The following MNAT1 variants were observed in gnomAD, a reference collection of about 807,000 sequenced individuals.
MNAT1 encodes the protein CDK-activating kinase assembly factor MAT1.
MNAT1 carries 43 observed loss-of-function variants against 42.0 expected under a neutral mutation model. The observed-to-expected ratio is 1.02, with a 90% CI of 0.80 to 1.32. The LOEUF is 1.32. MNAT1 is among the 40% of genes most tolerant of loss of function. The pLI, the probability that MNAT1 is intolerant of heterozygous loss-of-function variation, is 0.00. For synonymous variants in MNAT1, 118 were observed against 120.0 expected (o/e 0.98, Z 0.11); for missense variants, 306 against 350.4 (o/e 0.87, Z 1.01).
Position 60,968,536 on chromosome 14 carries a change from T to G in MNAT1, c.*187T>G, listed in dbSNP as rs2036725235. On this transcript the variant is annotated 3_prime_UTR_variant, in exon 8 of 8. Transcript: ENST00000261245. ...ATAGGGGATATATATTTGTGAAAAATAATTTTTACTTATATTTTTCAGAGG... is the reference window on the plus strand; with the variant it reads ...ATAGGGGATATATATTTGTGAAAAAGAATTTTTACTTATATTTTTCAGAGG... The G allele has an allele frequency of 6.3e-6, 9 of 1,427,644 alleles. No individual in the cohort carries two copies. Among genetic ancestry groups the G allele is most frequent in the African/African-American group, 1.4e-5 (1 of 69,940 alleles). The allele number at this position is 1,427,644 out of a possible 1,614,324, so 88.4% of individuals were successfully genotyped here.
intron 1 of MNAT1, among the ~76,000 whole-genome samples, chr14:60,751,787 A>G (rs2030105445): frequency 6.6e-6 from 1 of 151,902 alleles, no homozygotes; most frequent in Non-Finnish European, 1.5e-5. Flanking sequence ...GAATTTTGAG[A>G]TGAGGACAAG....
intron 6 of MNAT1, among the ~76,000 whole-genome samples, chr14:60,845,414 C>T (rs2033657912): frequency 1.3e-5 from 2 of 151,990 alleles, no homozygotes; most frequent in South Asian, 4.1e-4. Flanking sequence ...TCTTTAAATG[C>T]CTATAAGAGT....
intron 6 of MNAT1, among the ~76,000 whole-genome samples, chr14:60,860,392 G>A (rs1209745238): frequency 5.7e-5 from 7 of 123,546 alleles, no homozygotes; most frequent in Admixed American, 3.2e-4. Context: ...TTACTCTGTC[G>A]CCTAGGCTGG....
Position 60,942,737 on chromosome 14 carries a change from T to C in MNAT1, c.810-25492T>C, listed in dbSNP as rs113108120. On this transcript the variant is annotated intron_variant, in intron 7 of 7. Transcript: ENST00000261245. ...GCAATATAAGAAATGACCACTACAA[T>C]GCATTTTAGAAATTAAAATTAAAGC... Among the ~76,000 whole-genome samples the C allele has an allele frequency of 3.1e-3, 471 of 152,240 alleles. 1 individual carries two copies. Among genetic ancestry groups the C allele is most frequent in the African/African-American group, 0.011 (449 of 41,532 alleles).
chr14:60,850,742 T>G (rs192617424), intron 6 of MNAT1, among the ~76,000 whole-genome samples: 3 of 152,240 alleles, frequency 2.0e-5, no homozygotes, highest in African/African-American at 7.2e-5. Flanking sequence ...ACATGGTAGA[T>G]TAACTTAAAA....
At chr14:60,738,646 C>G (rs1310835895) in intron 1 of MNAT1, among the ~76,000 whole-genome samples, 2 of 152,100 alleles carry the variant, frequency 1.3e-5, no homozygotes, top group Non-Finnish European at 2.9e-5. Context: ...AGCAGTTCTC[C>G]TGTCTCAGCC....
chr14:60,839,811 C>T (rs949880150), intron 6 of MNAT1, among the ~76,000 whole-genome samples: 3 of 152,230 alleles, frequency 2.0e-5, no homozygotes, highest in Non-Finnish European at 4.4e-5. Flanking sequence ...TGGAGCTGCC[C>T]ACCCTGCTGC....
chr14:60,859,185 G>T (rs2034036747), intron 6 of MNAT1, among the ~76,000 whole-genome samples: 1 of 152,212 alleles, frequency 6.6e-6, no homozygotes. Context: ...GTATACTTCA[G>T]TGGATTTATT....
At chr14:60,762,637 C>T (rs1339207441) in intron 1 of MNAT1, among the ~76,000 whole-genome samples, 4 of 134,294 alleles carry the variant, frequency 3.0e-5, no homozygotes, top group Non-Finnish European at 4.6e-5. Flanking sequence ...ACTTGGGAGG[C>T]GGAGGCTGCA....
intron 1 of MNAT1, among the ~76,000 whole-genome samples, chr14:60,752,673 C>T (rs1031666102): frequency 2.6e-5 from 4 of 151,938 alleles, no homozygotes; most frequent in African/African-American, 9.7e-5. Context: ...TCAAAGCAAA[C>T]AAACAAAAAA....
At position 60,790,877 on chromosome 14, in the gene MNAT1, C is replaced by G. The variant is rs146109226; in HGVS notation, c.90-5340C>G. Among the ~76,000 whole-genome samples, 741 of 152,152 alleles carry G rather than the reference C, an allele frequency of 4.9e-3. 10 individuals are homozygous for G. The highest frequency in any genetic ancestry group is 0.016 in the African/African-American group (668 of 41,524). ...ATTAATGTTATTTTCTTTCTATGTT[C>G]CTTCATATATTTCCAACCTCTTTCT... On this transcript the variant is annotated intron_variant, in intron 1 of 7. Transcript: ENST00000261245.
chr14:60,898,893 A>G (rs914927688), intron 7 of MNAT1, among the ~76,000 whole-genome samples: 3 of 152,028 alleles, frequency 2.0e-5, no homozygotes, highest in African/African-American at 7.2e-5. Context: ...TCATCTGGTC[A>G]TACATTTAAG....
At chr14:60,808,086 G>C (rs1165298494) in intron 3 of MNAT1, among the ~76,000 whole-genome samples, 1 of 152,084 alleles carries the variant, frequency 6.6e-6, no homozygotes, top group Non-Finnish European at 1.5e-5. Flanking sequence ...TTTCTGGAGT[G>C]ATCCTGACAT....
intron 1 of MNAT1, among the ~76,000 whole-genome samples, chr14:60,778,814 G>T (rs995334693): frequency 1.3e-5 from 2 of 152,136 alleles, no homozygotes; most frequent in African/African-American, 4.8e-5. Flanking sequence ...CCTCCAGAAT[G>T]CTTGGCCATC....
intron 7 of MNAT1, among the ~76,000 whole-genome samples, chr14:60,950,012 G>T (rs1196957177): frequency 6.6e-6 from 1 of 152,080 alleles, no homozygotes; most frequent in African/African-American, 2.4e-5. Context: ...CTGGAAAATA[G>T]AATTTTCCAT....
At chr14:60,779,878 A>C (rs957315929) in intron 1 of MNAT1, 2 of 694,006 alleles carry the variant, frequency 2.9e-6, no homozygotes, top group Non-Finnish European at 5.0e-6. Context: ...TTTACTTTTG[A>C]AACTCTTGGC....
chr14:60,892,960 G>C (rs2034876993), intron 7 of MNAT1, among the ~76,000 whole-genome samples: 1 of 151,928 alleles, frequency 6.6e-6, no homozygotes, highest in African/African-American at 2.4e-5. Context: ...TTTTAAATGT[G>C]TTAGTTTCTT....
chr14:60,911,704 G>C (rs533332606), intron 7 of MNAT1, among the ~76,000 whole-genome samples: 87 of 152,130 alleles, frequency 5.7e-4, no homozygotes, highest in Non-Finnish European at 1.0e-3. Context: ...TATAATTTTT[G>C]TTCTTTTACA....
intron 7 of MNAT1, among the ~76,000 whole-genome samples, chr14:60,944,333 T>C (rs1046546861): frequency 1.4e-4 from 22 of 152,194 alleles, no homozygotes; most frequent in African/African-American, 4.3e-4. Context: ...CAGGCTTATA[T>C]GAATTCATGA....
Sources: allele counts gnomAD v4.1 joint callset (sites outside exome capture counted in the v4.1 genomes callset), GRCh38; gene constraint gnomAD v4.1.1; transcripts MANE v1.5; gene names NCBI Gene and HGNC (gene_info 2026-07-23, HGNC 2026-07-21).